Variants in ZNF280D observed in about 807,000 individuals in gnomAD.
ZNF280D encodes the protein suppressor of hairy wing homolog 4.
In ZNF280D, 39 loss-of-function variants were observed where a neutral mutation model predicts 94.7. The ratio of observed to expected loss-of-function variants is 0.41; its 90% CI spans 0.32 to 0.54. ZNF280D has a LOEUF of 0.54. Ranked by LOEUF, ZNF280D falls within the 20% of genes least tolerant of loss-of-function variation. ZNF280D has a pLI of 0.22. For missense variants in ZNF280D, 1,090 were observed against 1,149.3 expected, an observed-to-expected ratio of 0.95 and a Z score of 0.75; for synonymous variants, 398 against 377.6, an observed-to-expected ratio of 1.05 and a Z score of -0.63.
In ZNF280D at chr15:56,666,946, G is replaced by T; in HGVS notation, c.1586C>A (p.Ala529Asp). 4 of 1,610,730 alleles carry T rather than the reference G, an allele frequency of 2.5e-6. No homozygotes were observed. The Middle Eastern group carries it at 5.0e-4, about 200-fold the overall frequency. Residue 529 changes from alanine (A) to aspartate (D), a missense_variant, in exon 15 of 22, where the codon GCT becomes GAT. This residue lies in a region of ZNF280D where 577 missense variants were observed against 568.8 expected (regional missense o/e 1.01). Coordinates refer to ENST00000267807, the MANE Select transcript of ZNF280D (RefSeq NM_017661.4). ...TGCACTAATGGAAGGTGTAGGTGAA[G>T]CTCCTGATTGCAGAGGTCCAACTGA... Reference protein sequence around the residue: ...RASVGPLQSGASPTPSISASA... With the variant: ...RASVGPLQSGDSPTPSISASA...
At position 56,733,484 on chromosome 15, in the gene ZNF280D, G is replaced by T; in HGVS notation, c.-112C>A. 8.9e-7 allele frequency: 1 copy of T among 1,128,164 alleles called. No homozygotes were observed. The highest frequency in any genetic ancestry group is 1.1e-6 in the Non-Finnish European group (1 of 911,602). The allele number at this position is 1,128,164 out of a possible 1,614,324, so 69.9% of individuals were successfully genotyped here. A position where few individuals can be genotyped will look rare whatever the true frequency, so the allele number is the denominator to read the frequency against. On this transcript the variant is annotated 5_prime_UTR_variant, in exon 1 of 22. Transcript: ENST00000267807. ...GTGAGCGGAGCGGATCGGCCTGACT[G>T]GAGCCCTGAGGAGGAGGAGAAAGAG...
At chr15:56,636,608 T>G (rs570082078) in intron 20 of ZNF280D, among the ~76,000 whole-genome samples, 1 of 150,630 alleles carries the variant, frequency 6.6e-6, no homozygotes, top group Admixed American at 6.6e-5. Flanking sequence ...CTCAGCCCCC[T>G]GAGTAGCTGG....
At chr15:56,665,949 A>G (rs2054260336) in intron 16 of ZNF280D, among the ~76,000 whole-genome samples, 1 of 152,124 alleles carries the variant, frequency 6.6e-6, no homozygotes, top group Admixed American at 6.6e-5. Context: ...CAGCCTGGCC[A>G]ACATGGTGAA....
chr15:56,708,775 T>A (rs1202997979), intron 1 of ZNF280D, among the ~76,000 whole-genome samples: 1 of 152,164 alleles, frequency 6.6e-6, no homozygotes, highest in African/African-American at 2.4e-5. Flanking sequence ...CCCTATTTAA[T>A]AAATGGTGCT....
chr15:56,676,877 AG>A, intron 12 of ZNF280D, 61 bp from the exon 13 acceptor site: 2 of 1,256,020 alleles, frequency 1.6e-6, no homozygotes, highest in Non-Finnish European at 2.2e-6. Flanking sequence ...GCAATTACAA[AG>A]GAACAATGAT....
In ZNF280D at chr15:56,677,634, A is replaced by T. The variant is rs772049028; in HGVS notation, c.1203T>A (p.His401Gln). Reference sequence around the variant, plus strand: ...TGTCCTTCATATGTTGTAAAAGAACATGTTCTGTTTCAAATGACAATTCAC... The same window carrying T: ...TGTCCTTCATATGTTGTAAAAGAACTTGTTCTGTTTCAAATGACAATTCAC... The part of the protein sequence containing the change: ...KICELSFETE[H>Q]VLLQHMKDNH... Residue 401 changes from histidine (H) to glutamine (Q), a missense_variant, in exon 12 of 22, where the codon CAT becomes CAA. By Grantham distance (24) the His-to-Gln change is conservative. Coordinates refer to ENST00000267807, the MANE Select transcript of ZNF280D (RefSeq NM_017661.4). The T allele has an allele frequency of 4.9e-5, 79 of 1,607,638 alleles. No homozygotes were observed. Among genetic ancestry groups the T allele is most frequent in the Non-Finnish European group, 6.3e-5 (74 of 1,176,966 alleles).
chr15:56,709,162 G>A (rs1357935036), intron 1 of ZNF280D, among the ~76,000 whole-genome samples: 1 of 152,156 alleles, frequency 6.6e-6, no homozygotes, highest in Middle Eastern at 3.4e-3. Flanking sequence ...AAATTTACAA[G>A]AAAAAAACAA....
At chr15:56,722,110 T>C (rs1262279950) in intron 1 of ZNF280D, among the ~76,000 whole-genome samples, 5 of 152,180 alleles carry the variant, frequency 3.3e-5, no homozygotes, top group Non-Finnish European at 7.4e-5. Flanking sequence ...AGGGAAGAGC[T>C]GGCTGGTGGA....
At chr15:56,726,888 C>T (rs1266801595) in intron 1 of ZNF280D, among the ~76,000 whole-genome samples, 1 of 152,072 alleles carries the variant, frequency 6.6e-6, no homozygotes, top group Non-Finnish European at 1.5e-5. Flanking sequence ...GACAGATTCA[C>T]AAGAGAAGAA....
At chr15:56,692,774 T>C (rs1359869277) in intron 7 of ZNF280D, among the ~76,000 whole-genome samples, 1 of 152,108 alleles carries the variant, frequency 6.6e-6, no homozygotes. Context: ...TTAATACTTT[T>C]TTAAACAGAG....
At chr15:56,651,934 A>G (rs1172169014) in intron 19 of ZNF280D, among the ~76,000 whole-genome samples, 1 of 152,062 alleles carries the variant, frequency 6.6e-6, no homozygotes, top group Non-Finnish European at 1.5e-5. Flanking sequence ...TAAGGTGAAT[A>G]TCTGTAAATG....
intron 2 of ZNF280D, 34 bp from the exon 3 acceptor site, chr15:56,707,184 C>T: frequency 6.2e-7 from 1 of 1,610,226 alleles, no homozygotes; most frequent in Non-Finnish European, 8.5e-7. Flanking sequence ...TAATGAGTCA[C>T]TTTAAGTAAC....
At chr15:56,673,610 T>TA (rs1210473792) in intron 13 of ZNF280D, among the ~76,000 whole-genome samples, 1 of 152,044 alleles carries the variant, frequency 6.6e-6, no homozygotes, top group Non-Finnish European at 1.5e-5. Context: ...TTTATATGCT[T>TA]AAAAATGTCT....
chr15:56,698,725 T>C (rs1478737553), intron 6 of ZNF280D: 1 of 152,220 alleles, frequency 6.6e-6, no homozygotes, highest in African/African-American at 2.4e-5. Context: ...TAAGGGCATC[T>C]TGCTAAGGAC....
chr15:56,663,772 C>T (rs1426338513), intron 16 of ZNF280D, among the ~76,000 whole-genome samples: 1 of 152,074 alleles, frequency 6.6e-6, no homozygotes, highest in African/African-American at 2.4e-5. Flanking sequence ...GGCATGGTGG[C>T]ACACACCTAT....
intron 10 of ZNF280D, 83 bp downstream of exon 10, chr15:56,682,171 A>G (rs1156350319): frequency 3.9e-6 from 4 of 1,027,820 alleles, no homozygotes; most frequent in Non-Finnish European, 5.6e-6. Context: ...CTAGAATGGC[A>G]TAGAAAACAC....
intron 1 of ZNF280D, chr15:56,724,844 T>C (rs1194362518): frequency 4.4e-6 from 2 of 452,602 alleles, no homozygotes; most frequent in Middle Eastern, 3.7e-4. Flanking sequence ...TTTTCTTATT[T>C]ACCTTTTTCT....
chr15:56,693,106 G>A lies in ZNF280D; in HGVS notation c.491C>T (p.Ser164Phe), dbSNP rs2056519863. The change falls in exon 7 of 22, where the codon TCT becomes TTT. Residue 164 changes from serine (S) to phenylalanine (F), a missense_variant. By Grantham distance (155) the Ser-to-Phe change is radical (BLOSUM62 -2). Around this residue, in one of 3 missense-constraint regions of ZNF280D, gnomAD observed 386 missense variants for 372.0 expected, o/e 1.04. Transcript: ENST00000267807. ...LSHYQGGPTL[S>F]MAGMSESSFL... ...AAAATACTAAAACCAACCTGCCATA[G>A]AAAGTGTTGGTCCCCCTTGGTAATG... is the stretch of plus-strand genomic sequence containing the variant. 6.3e-7 allele frequency: 1 copy of A among 1,594,952 alleles called. No individual in the cohort carries two copies. The highest frequency in any genetic ancestry group is 1.7e-5 in the Admixed American group (1 of 58,566).
chr15:56,691,873 G>A (rs1456631989), intron 7 of ZNF280D, among the ~76,000 whole-genome samples: 1 of 152,078 alleles, frequency 6.6e-6, no homozygotes, highest in Non-Finnish European at 1.5e-5. Flanking sequence ...CAGATGTGAA[G>A]AATGAATGCA....
Sources: gnomAD v4.1 joint callset for allele counts (sites outside exome capture counted in the v4.1 genomes callset) on GRCh38, gnomAD v4.1.1 for gene constraint, gnomAD v4.1.1 regional missense constraint, MANE v1.5 for transcripts, NCBI Gene and HGNC (gene_info 2026-07-23, HGNC 2026-07-21) for gene names.